Variants in ATF7 observed in about 807,000 individuals in gnomAD.
ATF7 encodes activating transcription factor 7, also known as cyclic AMP-dependent transcription factor ATF-7.
ATF7 carries 10 observed loss-of-function variants against 50.4 expected under a neutral mutation model. The observed-to-expected ratio is 0.20, with a 90% CI of 0.12 to 0.34. The LOEUF (loss-of-function observed/expected upper bound fraction) is 0.34. Among genes scored for constraint, ATF7 ranks in the 10% least tolerant of loss-of-function variants. The probability of loss-of-function intolerance (pLI) is 1.00; values close to 1 mark genes in which losing one functional copy is unlikely to be tolerated. For synonymous variants in ATF7, 201 were observed against 226.4 expected (o/e 0.89, Z 1.01); for missense variants, 465 against 613.9 (o/e 0.76, Z 2.56).
At chr12:53,576,280 G>C (rs1160447798) in intron 2 of ATF7, among the ~76,000 whole-genome samples, 1 of 152,168 alleles carries the variant, frequency 6.6e-6, no homozygotes, top group Non-Finnish European at 1.5e-5. Context: ...CGGCACAGCA[G>C]TCTAGGACCC....
Position 53,534,589 on chromosome 12 carries a change from A to G in ATF7, c.473T>C (p.Leu158Pro), listed in dbSNP as rs763108851. The G allele has an allele frequency of 1.9e-5, 31 of 1,613,682 alleles. No individual in the cohort carries two copies. The highest frequency in any genetic ancestry group is 2.5e-5 in the Non-Finnish European group (29 of 1,179,810). ...PTIVRPGSLP[L>P]HLGYDPLHPT... is the part of the protein sequence containing the mutation. ...ATGAAGTGGATCATAGCCCAAGTGGAGAGGCAGGGAGCCAGGACGTACAAT... is the reference window on the plus strand; with the variant it reads ...ATGAAGTGGATCATAGCCCAAGTGGGGAGGCAGGGAGCCAGGACGTACAAT... The change falls in exon 6 of 12, where the codon CTC becomes CCC. Residue 158 changes from leucine (L) to proline (P), a missense_variant. Physicochemically the swap from Leu to Pro is moderately conservative, Grantham distance 98. Coordinates refer to ENST00000420353, the MANE Select transcript of ATF7 (RefSeq NM_006856.3).
At chr12:53,576,240 G>A (rs976762517) in intron 2 of ATF7, 3 of 152,250 alleles carry the variant, frequency 2.0e-5, no homozygotes, top group Admixed American at 6.5e-5. Flanking sequence ...TGAGAAAAGA[G>A]GCACTGAGAG....
intron 2 of ATF7, among the ~76,000 whole-genome samples, chr12:53,567,960 T>C (rs1175039202): frequency 6.6e-6 from 1 of 152,248 alleles, no homozygotes; most frequent in African/African-American, 2.4e-5. Context: ...TTGAAAAACG[T>C]ATCAAATACT....
intron 3 of ATF7, among the ~76,000 whole-genome samples, chr12:53,551,450 C>T (rs1940347068): frequency 1.3e-5 from 2 of 152,076 alleles, no homozygotes; most frequent in African/African-American, 4.8e-5. Context: ...GCATGAGCCA[C>T]CACACCTGAT....
intron 2 of ATF7, among the ~76,000 whole-genome samples, chr12:53,595,395 A>T (rs920535362): frequency 4.6e-5 from 7 of 152,248 alleles, no homozygotes; most frequent in African/African-American, 1.7e-4. Flanking sequence ...CTTATGCCAG[A>T]TAATAGGGCA....
chr12:53,535,328 C>CAAAAAAAAAAAAAAAAA (rs397938442), intron 5 of ATF7, among the ~76,000 whole-genome samples: 1,016 of 64,552 alleles, frequency 0.016, 19 homozygotes, highest in East Asian at 0.062. Flanking sequence ...GACTCTGCCT[C>CAAAAAAAAAAAAAAAAA]AAAAAAAAAA....
Position 53,519,950 on chromosome 12 carries a change from G to T in ATF7, c.1235-2596C>A, listed in dbSNP as rs143150480. ...TTTAGTAGAGATGGGGTTTCACCGT[G>T]TTAGCCAGGATGGTCTCGATCTCCT... On this transcript the variant is annotated intron_variant, in intron 11 of 11. Transcript: ENST00000420353. Among the ~76,000 whole-genome samples the T allele has an allele frequency of 2.2e-3, 333 of 152,140 alleles. 2 individuals are homozygous for T. The highest frequency in any genetic ancestry group is 7.8e-3 in the African/African-American group (322 of 41,506).
rs150983616 is a variant in ATF7, at chr12:53,565,109, C to T, written c.49-12472G>A. On this transcript the variant is annotated intron_variant, in intron 2 of 11. Coordinates refer to ENST00000420353, the MANE Select transcript of ATF7 (RefSeq NM_006856.3). ...CTATTTTGGTTCCTTGTTCCTTCCT[C>T]CTGACAAATGTGAAAATTCATGAGC... 1.6e-3 allele frequency among the ~76,000 whole-genome samples: 237 copies of T among 152,192 alleles called. 1 individual carries two copies. Among genetic ancestry groups the T allele is most frequent in the African/African-American group, 4.8e-3 (199 of 41,526 alleles).
intron 2 of ATF7, among the ~76,000 whole-genome samples, chr12:53,568,201 G>C (rs1235969538): frequency 6.6e-6 from 1 of 152,216 alleles, no homozygotes; most frequent in Admixed American, 6.5e-5. Context: ...ATACAAGTCA[G>C]TACTGAGACC....
At chr12:53,541,146 C>T (rs1244904948) in intron 4 of ATF7, among the ~76,000 whole-genome samples, 1 of 152,164 alleles carries the variant, frequency 6.6e-6, no homozygotes, top group Non-Finnish European at 1.5e-5. Context: ...ACCACTTAAA[C>T]TGGATGGAAA....
chr12:53,624,451 A>G (rs1944525444), intron 1 of ATF7, among the ~76,000 whole-genome samples: 1 of 152,260 alleles, frequency 6.6e-6, no homozygotes, highest in Non-Finnish European at 1.5e-5. Context: ...TCTACGCAAG[A>G]GCAAAGAAGT....
chr12:53,548,181 A>T (rs1422586132), intron 3 of ATF7, among the ~76,000 whole-genome samples: 3 of 151,344 alleles, frequency 2.0e-5, no homozygotes, highest in Non-Finnish European at 4.4e-5. Flanking sequence ...GCTAATTTTT[A>T]AAATTTTTTG....
intron 1 of ATF7, among the ~76,000 whole-genome samples, chr12:53,602,509 G>A (rs925723755): frequency 6.6e-6 from 1 of 152,174 alleles, no homozygotes; most frequent in Admixed American, 6.5e-5. Context: ...GTTTAAAATT[G>A]TGGGGTGCCC....
At chr12:53,595,836 T>C (rs1943128560) in intron 2 of ATF7, among the ~76,000 whole-genome samples, 1 of 152,192 alleles carries the variant, frequency 6.6e-6, no homozygotes, top group African/African-American at 2.4e-5. Flanking sequence ...GTTAGTTATA[T>C]GTTTCGTATC....
intron 1 of ATF7, among the ~76,000 whole-genome samples, chr12:53,614,003 G>A (rs915635322): frequency 2.4e-4 from 36 of 152,084 alleles, no homozygotes; most frequent in African/African-American, 8.5e-4. Flanking sequence ...AAAGGAGCCA[G>A]CTTAAATAGA....
At chr12:53,539,569 G>C (rs769904521) in intron 4 of ATF7, among the ~76,000 whole-genome samples, 11 of 152,054 alleles carry the variant, frequency 7.2e-5, no homozygotes, top group Non-Finnish European at 1.5e-4. Context: ...CGCGCCTGTA[G>C]TCCCAGCTAC....
chr12:53,520,661 A>AT (rs1339259055), intron 11 of ATF7, among the ~76,000 whole-genome samples: 2 of 152,184 alleles, frequency 1.3e-5, no homozygotes, highest in African/African-American at 4.8e-5. Context: ...TGTAAGCCTA[A>AT]TAGGCTCCTT....
At chr12:53,619,638 T>C (rs748175238) in intron 1 of ATF7, among the ~76,000 whole-genome samples, 2 of 151,092 alleles carry the variant, frequency 1.3e-5, no homozygotes, top group Admixed American at 1.3e-4. Flanking sequence ...CATGGGAAAC[T>C]CTGTCTCTAC....
intron 2 of ATF7, among the ~76,000 whole-genome samples, chr12:53,556,222 T>G (rs1320604947): frequency 2.6e-5 from 4 of 152,234 alleles, no homozygotes; most frequent in Admixed American, 1.3e-4. Flanking sequence ...GGCCTTTTTA[T>G]CATATATTTT....
Sources: gnomAD v4.1 joint callset for allele counts (sites outside exome capture counted in the v4.1 genomes callset) on GRCh38, gnomAD v4.1.1 for gene constraint, MANE v1.5 for transcripts, NCBI Gene and HGNC (gene_info 2026-07-23, HGNC 2026-07-21) for gene names.